Variants in MTUS1 observed in about 807,000 individuals in gnomAD.
MTUS1 encodes the protein microtubule-associated tumor suppressor 1.
In MTUS1, 109 loss-of-function variants were observed where a neutral mutation model predicts 120.8. That is an observed-to-expected ratio of 0.90 (90% confidence interval 0.77 to 1.06). The LOEUF (loss-of-function observed/expected upper bound fraction) is 1.06. Among genes scored for constraint, MTUS1 ranks in the 50% least tolerant of loss-of-function variants. MTUS1 has a pLI of 0.00. For missense variants in MTUS1, 2,210 were observed against 1,486.3 expected, an observed-to-expected ratio of 1.49 and a Z score of -8.01; for synonymous variants, 737 against 550.5, an observed-to-expected ratio of 1.34 and a Z score of -4.74.
chr8:17,665,903 G>A (rs1032620744), intron 8 of MTUS1, among the ~76,000 whole-genome samples: 21 of 152,148 alleles, frequency 1.4e-4, no homozygotes, highest in African/African-American at 4.8e-4. Flanking sequence ...CTCACAGGTG[G>A]GAAGACAATT....
intron 6 of MTUS1, chr8:17,691,211 T>C (rs1007249033): frequency 4.6e-5 from 7 of 152,232 alleles, no homozygotes; most frequent in Non-Finnish European, 8.8e-5. Flanking sequence ...AAACATAATT[T>C]AGTGTAGTAA....
At chr8:17,665,825 T>C (rs1309817869) in intron 8 of MTUS1, among the ~76,000 whole-genome samples, 3 of 152,168 alleles carry the variant, frequency 2.0e-5, no homozygotes, top group Non-Finnish European at 2.9e-5. Flanking sequence ...GCTGAAAAGA[T>C]TCCAAGATAA....
Position 17,645,628 on chromosome 8 carries a change from GA to G in MTUS1, c.*297del. ...AGAGTTTTTCCCCCTATGCTTAGGTGAAAAAGGCAATGAACAAGATGCTCTC... is the reference window on the plus strand; with the variant it reads ...AGAGTTTTTCCCCCTATGCTTAGGTGAAAAGGCAATGAACAAGATGCTCTC... On this transcript the variant is annotated 3_prime_UTR_variant, in exon 15 of 15. Transcript: ENST00000693296. The G allele has an allele frequency of 3.1e-5, 8 of 254,528 alleles. No individual in the cohort carries two copies. Among genetic ancestry groups the G allele is most frequent in the Non-Finnish European group, 5.9e-5 (8 of 135,252 alleles). The allele number at this position is 254,528 out of a possible 1,614,324, so 15.8% of individuals were successfully genotyped here. A position where few individuals can be genotyped will look rare whatever the true frequency, so the allele number is the denominator to read the frequency against.
At chr8:17,710,066 C>A (rs1256199784) in intron 6 of MTUS1, among the ~76,000 whole-genome samples, 2 of 152,044 alleles carry the variant, frequency 1.3e-5, no homozygotes, top group African/African-American at 4.8e-5. Flanking sequence ...TAAAGATCAT[C>A]TGAGCCTTCA....
rs150774252 is a variant in MTUS1 at position 17,776,231 on chromosome 8, T to G, written c.-154-20270A>C. 1.3e-3 allele frequency among the ~76,000 whole-genome samples: 200 copies of G among 152,038 alleles called. 1 individual carries two copies. The highest frequency in any genetic ancestry group is 2.2e-3 in the Non-Finnish European group (153 of 68,008). ...CTTACATTAGGTATTAAAAGTAACC[T>G]AGAGATGGTTTACAGTCTATGGAAG... On this transcript the variant is annotated intron_variant, in intron 1 of 14. Coordinates refer to ENST00000693296, the MANE Select transcript of MTUS1 (RefSeq NM_001363059.2).
At chr8:17,765,247 T>C (rs1374093906) in intron 1 of MTUS1, among the ~76,000 whole-genome samples, 1 of 152,124 alleles carries the variant, frequency 6.6e-6, no homozygotes, top group African/African-American at 2.4e-5. Context: ...CTTTGCCCCC[T>C]CGCCTGAAGC....
chr8:17,652,078 G>T (rs1042196070), intron 12 of MTUS1, among the ~76,000 whole-genome samples: 3 of 152,232 alleles, frequency 2.0e-5, no homozygotes, highest in Admixed American at 1.3e-4. Context: ...GCTGGCCAGA[G>T]ATTTGAAGTG....
At chr8:17,724,783 T>C (rs573983894) in intron 3 of MTUS1, among the ~76,000 whole-genome samples, 1 of 152,308 alleles carries the variant, frequency 6.6e-6, no homozygotes, top group South Asian at 2.1e-4. Context: ...CTAACCATTG[T>C]CCTATGCGGA....
rs761476807 is a variant in MTUS1 at position 17,754,330 on chromosome 8, TTGCAG to T, written c.1473_1477del (p.Cys492SerfsTer2). On this transcript the variant is annotated frameshift_variant, in exon 2 of 15. Transcript: ENST00000693296. LOFTEE classifies it high-confidence loss of function. ...ACTTATAATTTCAGTTTTTCTAACT[TTGCAG>T]CCTATTGGGGTATTCGTTTTGATTG... 6.2e-7 allele frequency: 1 copy of T among 1,614,148 alleles called. No individual in the cohort carries two copies. Among genetic ancestry groups the T allele is most frequent in the Non-Finnish European group, 8.5e-7 (1 of 1,180,040 alleles).
chr8:17,675,981 T>C, intron 7 of MTUS1: 1 of 401,714 alleles, frequency 2.5e-6, no homozygotes, highest in East Asian at 4.6e-5. Flanking sequence ...CATACACACA[T>C]ACTTACACAA....
At chr8:17,708,908 C>A (rs965939704) in intron 6 of MTUS1, 2 of 152,132 alleles carry the variant, frequency 1.3e-5, no homozygotes, top group African/African-American at 4.8e-5. Context: ...GAGGCCGAGG[C>A]GGGCGGATCA....
chr8:17,682,077 C>T (rs3988352), intron 7 of MTUS1, among the ~76,000 whole-genome samples: 71,281 of 151,984 alleles, frequency 0.47, 17,157 homozygotes, highest in East Asian at 0.57. Flanking sequence ...GTGGCTACCA[C>T]ACTGGACACA....
intron 1 of MTUS1, among the ~76,000 whole-genome samples, chr8:17,769,650 T>A (rs148689715): frequency 1.3e-5 from 2 of 152,084 alleles, no homozygotes; most frequent in Non-Finnish European, 2.9e-5. Context: ...GCCCGGCCCT[T>A]AGTCAGTAAT....
intron 7 of MTUS1, among the ~76,000 whole-genome samples, chr8:17,678,320 T>G (rs1813532543): frequency 6.6e-6 from 1 of 152,236 alleles, no homozygotes; most frequent in African/African-American, 2.4e-5. Context: ...ACAGGTTGAT[T>G]CAATTCTCTT....
rs573455752 is a variant in MTUS1, at chr8:17,694,474, T to G, written c.2624-9932A>C. On this transcript the variant is annotated intron_variant, in intron 6 of 14. Transcript: ENST00000693296. The stretch of plus-strand genomic sequence containing the variant: ...TGAGGTCAGGAGTTCCAGACCAGTA[T>G]GGCCAACATGGTGAAACCCCATCTC... Among the ~76,000 whole-genome samples the G allele has an allele frequency of 4.6e-5, 7 of 152,246 alleles. No individual in the cohort carries two copies. The South Asian group carries it at 1.5e-3, about 32-fold the overall frequency.
chr8:17,716,908 A>C (rs941662762), intron 4 of MTUS1, among the ~76,000 whole-genome samples: 8 of 152,208 alleles, frequency 5.3e-5, no homozygotes, highest in African/African-American at 1.9e-4. Flanking sequence ...ATTCTATTCT[A>C]CTATTCAACG....
intron 1 of MTUS1, among the ~76,000 whole-genome samples, chr8:17,759,259 CTTTT>C (rs201527661): frequency 1.3e-5 from 2 of 148,980 alleles, no homozygotes; most frequent in Admixed American, 6.7e-5. Flanking sequence ...TACCAGTTGT[CTTTT>C]TTTATTTTTC....
intron 3 of MTUS1, among the ~76,000 whole-genome samples, chr8:17,735,501 C>T (rs947435712): frequency 6.6e-6 from 1 of 152,172 alleles, no homozygotes; most frequent in Admixed American, 6.5e-5. Flanking sequence ...TGTCATTGAC[C>T]CCGGGACACG....
chr8:17,748,548 A>G (rs2047943496), intron 2 of MTUS1, among the ~76,000 whole-genome samples: 1 of 152,176 alleles, frequency 6.6e-6, no homozygotes. Context: ...ACCGGTGTCC[A>G]TGGATGGTGG....
Sources: gnomAD v4.1 joint callset for allele counts (sites outside exome capture counted in the v4.1 genomes callset) on GRCh38, gnomAD v4.1.1 for gene constraint, MANE v1.5 for transcripts, NCBI Gene and HGNC (gene_info 2026-07-23, HGNC 2026-07-21) for gene names.